HPS1: variants seen among roughly 807,000 people sequenced by gnomAD.
HPS1 encodes the protein BLOC-3 complex member HPS1.
HPS1 carries 59 observed loss-of-function variants against 90.6 expected under a neutral mutation model. The ratio of observed to expected loss-of-function variants is 0.65; its 90% confidence interval spans 0.53 to 0.81. The LOEUF (loss-of-function observed/expected upper bound fraction) is 0.81, where lower values mean the gene tolerates loss of function less well. Among genes scored for constraint, HPS1 ranks in the 30% least tolerant of loss-of-function variants. The pLI is 0.00. For synonymous variants in HPS1, 388 were observed against 384.4 expected (o/e 1.01, Z -0.11); for missense variants, 849 against 896.7 (o/e 0.95, Z 0.68).
At chr10:98,420,823 T>C (rs1287999083) in intron 17 of HPS1, among the ~76,000 whole-genome samples, 1 of 152,212 alleles carries the variant, frequency 6.6e-6, no homozygotes, top group East Asian at 1.9e-4. Context: ...TGTGGTCTCC[T>C]GAATCCCCTC....
At chr10:98,429,440 G>A (rs1591076804) in intron 10 of HPS1, 133 bp downstream of exon 10, 7 of 1,563,742 alleles carry the variant, frequency 4.5e-6, no homozygotes, top group Middle Eastern at 1.7e-4. Flanking sequence ...AGCGTCCTGT[G>A]CTCTAGGAAC....
chr10:98,429,313 TG>T, intron 10 of HPS1: 1 of 1,408,702 alleles, frequency 7.1e-7, no homozygotes, highest in Non-Finnish European at 9.2e-7. Flanking sequence ...TGAGAATGCA[TG>T]TACAGAAGTT....
chr10:98,422,353 G>A lies in HPS1; in HGVS notation c.1743+16C>T, dbSNP rs1041483836. On this transcript the variant is annotated intron_variant, in intron 17 of 19. Coordinates refer to ENST00000361490, the MANE Select transcript of HPS1 (RefSeq NM_000195.5). ...GCTGAGGCCCACCCATCCCCGCCCT[G>A]GGTCCAAATGGTTACCTTAGTTTTG... 6 of 1,609,750 alleles carry A rather than the reference G, an allele frequency of 3.7e-6. No homozygotes were observed. In the African/African-American group the frequency reaches 8.0e-5, roughly 22 times the overall value.
In HPS1 at chr10:98,433,988, C is replaced by T. The variant is rs1406885199; in HGVS notation, c.502G>A (p.Val168Met). Residue 168 changes from valine to methionine, a missense_variant, in exon 6 of 20, where the codon GTG (valine) becomes ATG (methionine). Val to Met is a conservative substitution (Grantham distance 21). Coordinates refer to ENST00000361490, the MANE Select transcript of HPS1 (RefSeq NM_000195.5). ...RLREQEQCFA[V>M]EALERLIHPQ... The stretch of plus-strand genomic sequence containing the variant: ...CTCCCGCGCCCAGTAGTCACCTCCA[C>T]GGCGAAGCACTGCTCCTGCTCCCGC... 1.2e-5 allele frequency: 18 copies of T among 1,557,384 alleles called. No homozygotes were observed. The South Asian group carries it at 1.2e-4, about 10-fold the overall frequency.
intron 6 of HPS1, 51 bp from the exon 7 acceptor site, chr10:98,431,342 C>CA: frequency 6.3e-7 from 1 of 1,588,932 alleles, no homozygotes; most frequent in Non-Finnish European, 8.6e-7. Flanking sequence ...AACCTTGCCC[C>CA]ACTCCAAGCC....
intron 6 of HPS1, among the ~76,000 whole-genome samples, chr10:98,432,861 C>T (rs1186937359): frequency 2.6e-5 from 4 of 151,930 alleles, no homozygotes; most frequent in Admixed American, 2.6e-4. Context: ...TTGATCTTTA[C>T]CTTTCCTGCT....
chr10:98,418,427 T>C (rs142554108), intron 18 of HPS1, among the ~76,000 whole-genome samples, 170 bp from the exon 19 acceptor site: 193 of 152,292 alleles, frequency 1.3e-3, no homozygotes, highest in African/African-American at 4.3e-3. Context: ...AGTCACCTTA[T>C]GAACATTAGA....
At chr10:98,444,266 C>CCA (rs376262099) in intron 2 of HPS1, among the ~76,000 whole-genome samples, 24 of 150,864 alleles carry the variant, frequency 1.6e-4, no homozygotes, top group Non-Finnish European at 3.1e-4. Flanking sequence ...CACCCCCCCG[C>CCA]CACACACACA....
At position 98,427,154 on chromosome 10, in the gene HPS1, C is replaced by T. The variant is rs1410495229; in HGVS notation, c.987+61G>A. ...CCTGGAGGCGAAACCCTCAGAGCCC[C>T]CAATACTCACTGCGGCATCTCAGAT... On this transcript the variant is annotated intron_variant, in intron 11 of 19. Transcript: ENST00000361490. 9 of 1,394,526 alleles carry T rather than the reference C, an allele frequency of 6.5e-6. No homozygotes were observed. The East Asian group carries it at 1.7e-4, about 27-fold the overall frequency. The allele number at this position is 1,394,526 out of a possible 1,614,324, so 86.4% of individuals were successfully genotyped here.
At chr10:98,414,838 C>G (rs1283216968), downstream of HPS1, 1 of 1,016,440 alleles carries the variant, frequency 9.8e-7, no homozygotes, top group African/African-American at 1.6e-5. Context: ...TGCCTGCCTG[C>G]CAGATGGAAG....
At position 98,434,012 on chromosome 10, in the gene HPS1, G is replaced by A. The variant is rs142893758; in HGVS notation, c.478C>T (p.Arg160Trp). Residue 160 changes from arginine (R) to tryptophan (W), a missense_variant, in exon 6 of 20, where the codon CGG becomes TGG. Coordinates refer to ENST00000361490, the MANE Select transcript of HPS1 (RefSeq NM_000195.5). ...ACGGCGAAGCACTGCTCCTGCTCCCGCAGGCGGCTGTAGGTCCACAGCAGG... is the reference window on the plus strand; with the variant it reads ...ACGGCGAAGCACTGCTCCTGCTCCCACAGGCGGCTGTAGGTCCACAGCAGG... ...QSLLWTYSRL[R>W]EQEQCFAVEA... 1,814 of 1,558,602 alleles carry A rather than the reference G, an allele frequency of 1.2e-3. 3 individuals carry two copies. The highest frequency in any genetic ancestry group is 7.7e-3 in the African/African-American group (571 of 73,680).
Position 98,435,742 on chromosome 10 carries a change from G to A in HPS1, c.148C>T (p.Leu50Phe), listed in dbSNP as rs774222946. The change falls in exon 4 of 20, where the codon CTC (leucine) becomes TTC (phenylalanine). Residue 50 changes from leucine (L) to phenylalanine (F), a missense_variant. Leu to Phe is a conservative substitution (Grantham distance 22). Transcript: ENST00000361490. This position sits in a 1 kb window ranked among gnomAD's most constrained non-coding sequence, Gnocchi z 4.3. Reference sequence around the variant, plus strand: ...GAGGAGATGATGACCGGGGCTAGGAGGGTGCTGAGCTGGTCCTCCAGGGCA... The same window carrying A: ...GAGGAGATGATGACCGGGGCTAGGAAGGTGCTGAGCTGGTCCTCCAGGGCA... The part of the protein sequence containing the change: ...LPALEDQLST[L>F]LAPVIISSMT... 2.5e-6 allele frequency: 4 copies of A among 1,614,206 alleles called. No homozygotes were observed. The highest frequency in any genetic ancestry group is 3.4e-6 in the Non-Finnish European group (4 of 1,180,022).
chr10:98,422,312 G>A, intron 17 of HPS1, 57 bp downstream of exon 17: 2 of 1,596,734 alleles, frequency 1.3e-6, no homozygotes, highest in Non-Finnish European at 1.7e-6. Flanking sequence ...ACACCAGGAA[G>A]GGCTACCCAA....
chr10:98,441,608 T>C (rs1007611575), intron 3 of HPS1, among the ~76,000 whole-genome samples: 5 of 152,118 alleles, frequency 3.3e-5, no homozygotes, highest in Non-Finnish European at 5.9e-5. Context: ...TTGTAAAACA[T>C]GTATCTGATA....
chr10:98,428,892 A>G lies in HPS1; in HGVS notation c.937+681T>C, dbSNP rs1365342430. Among the ~76,000 whole-genome samples, 2 of 150,474 alleles carry G rather than the reference A, an allele frequency of 1.3e-5. 1 individual carries two copies. Among genetic ancestry groups the G allele is most frequent in the Non-Finnish European group, 2.9e-5 (2 of 67,826 alleles). On this transcript the variant is annotated intron_variant, in intron 10 of 19. Coordinates refer to ENST00000361490, the MANE Select transcript of HPS1 (RefSeq NM_000195.5). ...AGTCTTGCTCTGTCGCCCAGGCTGG[A>G]GTGCAGTGGCATGATCTTGGCTCAC...
intron 17 of HPS1, among the ~76,000 whole-genome samples, chr10:98,420,924 G>A (rs1261646430): frequency 6.6e-6 from 1 of 152,174 alleles, no homozygotes; most frequent in African/African-American, 2.4e-5. Context: ...CTGAGCCAGG[G>A]GGGAAGTCCA....
rs559396947 is a variant in HPS1 at position 98,421,675 on chromosome 10, C to T, written c.1743+694G>A. 4.6e-5 allele frequency among the ~76,000 whole-genome samples: 7 copies of T among 152,292 alleles called. No homozygotes were observed. In the South Asian group the frequency reaches 1.5e-3, roughly 32 times the overall value. Reference sequence around the variant, plus strand: ...GATGAAGATGGTGATGATGATGCCACCAGTAAGTACTGAATGAACTGTATC... The same window carrying T: ...GATGAAGATGGTGATGATGATGCCATCAGTAAGTACTGAATGAACTGTATC... On this transcript the variant is annotated intron_variant, in intron 17 of 19. Coordinates refer to ENST00000361490, the MANE Select transcript of HPS1 (RefSeq NM_000195.5).
At chr10:98,419,175 T>G (rs1844516942) in intron 18 of HPS1, among the ~76,000 whole-genome samples, 1 of 151,354 alleles carries the variant, frequency 6.6e-6, no homozygotes, top group Admixed American at 6.6e-5. Context: ...CGCCCTGCCC[T>G]ATGGAAAGGG....
intron 3 of HPS1, among the ~76,000 whole-genome samples, chr10:98,439,314 GA>G (rs1937986935): frequency 6.6e-6 from 1 of 152,160 alleles, no homozygotes; most frequent in Non-Finnish European, 1.5e-5. Flanking sequence ...CATGCACCTG[GA>G]AAAGCCGCAG....
Sources: allele counts gnomAD v4.1 joint callset (sites outside exome capture counted in the v4.1 genomes callset), GRCh38; gene constraint gnomAD v4.1.1; non-coding constraint Gnocchi (gnomAD v3.1); transcripts MANE v1.5; gene names NCBI Gene and HGNC (gene_info 2026-07-23, HGNC 2026-07-21).